The following SUZ12 variants were observed in gnomAD, a reference collection of about 807,000 sequenced individuals.
SUZ12 encodes the protein SUZ12 polycomb repressive complex 2 subunit.
Under a neutral mutation model 87.3 loss-of-function variants are expected in SUZ12, and 17 were observed. The observed-to-expected ratio is 0.19, with a 90% CI of 0.13 to 0.29. The LOEUF is 0.29. SUZ12 is among the 10% of genes least tolerant of loss of function. The probability of loss-of-function intolerance (pLI) is 1.00; values close to 1 mark genes in which losing one functional copy is unlikely to be tolerated. For synonymous variants in SUZ12, 253 were observed against 312.4 expected, an observed-to-expected ratio of 0.81 and a Z score of 2.01; for missense variants, 526 against 912.2, an observed-to-expected ratio of 0.58 and a Z score of 5.45.
At position 31,953,996 on chromosome 17, in the gene SUZ12, G is replaced by A. The variant is rs185901887; in HGVS notation, c.455+6311G>A. Among the ~76,000 whole-genome samples, 368 of 152,188 alleles carry A rather than the reference G, an allele frequency of 2.4e-3. 1 individual carries two copies. Among genetic ancestry groups the A allele is most frequent in the Admixed American group, 4.7e-3 (72 of 15,280 alleles). ...CAAAGTGCTGGGATTACAGGTGTGA[G>A]CCACCGAGCCCGGCTCATTTTTATT... On this transcript the variant is annotated intron_variant, in intron 4 of 15. Coordinates refer to ENST00000322652, the MANE Select transcript of SUZ12 (RefSeq NM_015355.4).
chr17:31,962,505 C>T (rs1309373240), intron 4 of SUZ12, among the ~76,000 whole-genome samples: 2 of 152,086 alleles, frequency 1.3e-5, no homozygotes, highest in East Asian at 1.9e-4. Context: ...GTGGGAGAAT[C>T]GTTTGAGCCT....
At chr17:31,979,022 C>T (rs1047255731) in intron 8 of SUZ12, among the ~76,000 whole-genome samples, 6 of 146,482 alleles carry the variant, frequency 4.1e-5, no homozygotes, top group Non-Finnish European at 7.4e-5. Context: ...AGGAGAATCG[C>T]TTGAACCCAG....
intron 3 of SUZ12, among the ~76,000 whole-genome samples, chr17:31,946,562 C>CAA (rs1372153411): frequency 1.3e-5 from 2 of 152,126 alleles, no homozygotes; most frequent in African/African-American, 4.8e-5. Flanking sequence ...AACAAACAAA[C>CAA]ACAAAACTCT....
At chr17:31,998,592 G>T in intron 15 of SUZ12, 66 bp from the exon 16 acceptor site, 3 of 1,128,596 alleles carry the variant, frequency 2.7e-6, no homozygotes, top group South Asian at 3.6e-5. Flanking sequence ...TATTATAATG[G>T]TTATCACTGT....
intron 5 of SUZ12, among the ~76,000 whole-genome samples, chr17:31,971,918 C>T (rs899249401): frequency 1.3e-5 from 2 of 152,128 alleles, no homozygotes; most frequent in East Asian, 1.9e-4. Context: ...AAGTTTGAGA[C>T]CAGCCTGGGC....
intron 3 of SUZ12, among the ~76,000 whole-genome samples, chr17:31,941,321 A>G (rs1007073472): frequency 1.3e-5 from 2 of 151,486 alleles, no homozygotes; most frequent in African/African-American, 2.4e-5. Flanking sequence ...TAATGGTGCA[A>G]TCTCGGCTCA....
chr17:31,953,581 G>C (rs764915449), intron 4 of SUZ12, among the ~76,000 whole-genome samples: 14 of 151,532 alleles, frequency 9.2e-5, no homozygotes, highest in African/African-American at 2.9e-4. Context: ...CTAATTTTTT[G>C]AATTTTTGTA....
intron 5 of SUZ12, among the ~76,000 whole-genome samples, chr17:31,972,331 G>A (rs1238425246): frequency 6.0e-5 from 9 of 149,246 alleles, no homozygotes; most frequent in African/African-American, 2.0e-4. Flanking sequence ...ATGTATGTAT[G>A]TGTATATATA....
chr17:31,939,682 A>G (rs1056137800), intron 1 of SUZ12, among the ~76,000 whole-genome samples: 3 of 151,874 alleles, frequency 2.0e-5, no homozygotes, highest in African/African-American at 7.3e-5. Context: ...CGCCGCCCCT[A>G]TGCCTGGCTG....
rs565488872 is a variant in SUZ12, at chr17:31,944,485, C to T, written c.387-3132C>T. Among the ~76,000 whole-genome samples the T allele has an allele frequency of 1.9e-4, 29 of 152,060 alleles. 1 individual carries two copies. The highest frequency in any genetic ancestry group is 4.1e-4 in the Non-Finnish European group (28 of 68,016). ...TTCCCGTCATGTTTATTAATTTGTC[C>T]CATTGCAGGATATGTTTCTGTTGTC... On this transcript the variant is annotated intron_variant, in intron 3 of 15. Coordinates refer to ENST00000322652, the MANE Select transcript of SUZ12 (RefSeq NM_015355.4).
chr17:31,954,464 A>G (rs1340975909), intron 4 of SUZ12, among the ~76,000 whole-genome samples: 2 of 152,068 alleles, frequency 1.3e-5, no homozygotes, highest in East Asian at 1.9e-4. Context: ...GCCTGCATCT[A>G]TATTCTTGGG....
intron 6 of SUZ12, among the ~76,000 whole-genome samples, chr17:31,975,264 G>A (rs1276920228): frequency 2.0e-5 from 3 of 152,054 alleles, no homozygotes; most frequent in African/African-American, 7.2e-5. Context: ...ATTTCATTAT[G>A]TTGGAGAAAA....
rs150075673 is a variant in SUZ12 at position 31,953,447 on chromosome 17, A to G, written c.455+5762A>G. Among the ~76,000 whole-genome samples the G allele has an allele frequency of 4.6e-3, 704 of 152,090 alleles. 3 individuals are homozygous for G. The highest frequency in any genetic ancestry group is 5.8e-3 in the Admixed American group (88 of 15,270). The stretch of plus-strand genomic sequence containing the variant: ...TTTTGAGACAAGGTCTCGCTTTGTC[A>G]CCGAGGCTGGAGTGTAGTGGCACAA... On this transcript the variant is annotated intron_variant, in intron 4 of 15. Transcript: ENST00000322652.
chr17:31,972,986 C>A (rs543055015), intron 5 of SUZ12, among the ~76,000 whole-genome samples, 160 bp from the exon 6 acceptor site: 1 of 151,792 alleles, frequency 6.6e-6, no homozygotes, highest in South Asian at 2.1e-4. Flanking sequence ...AAAGAGTTTG[C>A]TGTAAGTTTG....
chr17:31,938,515 G>C (rs1232443050), intron 1 of SUZ12, among the ~76,000 whole-genome samples: 20 of 152,138 alleles, frequency 1.3e-4, no homozygotes, highest in Admixed American at 1.1e-3. Flanking sequence ...TCTCTCATTA[G>C]TGCTTCATGA....
chr17:31,942,901 A>G, intron 3 of SUZ12, among the ~76,000 whole-genome samples: 1 of 152,194 alleles, frequency 6.6e-6, no homozygotes, highest in East Asian at 1.9e-4. Flanking sequence ...AGCATTTGGT[A>G]TTGTCATTAT....
At position 31,937,499 on chromosome 17, in the gene SUZ12, C is replaced by G. The variant is rs1283973916; in HGVS notation, c.253C>G (p.Leu85Val). 1.3e-6 allele frequency: 2 copies of G among 1,541,340 alleles called. No homozygotes were observed. The highest frequency in any genetic ancestry group is 1.7e-6 in the Non-Finnish European group (2 of 1,146,460). ...KMEHVQADHE[L>V]FLQAFEKPTQ... The stretch of plus-strand genomic sequence containing the variant: ...GGAGCACGTCCAGGCTGACCACGAG[C>G]TTTTCCTCCAGGCCTTTGAGAGTGA... Residue 85 changes from leucine to valine, a missense_variant, in exon 1 of 16, where the codon CTT becomes GTT. Coordinates refer to ENST00000322652, the MANE Select transcript of SUZ12 (RefSeq NM_015355.4).
chr17:31,954,341 G>A (rs761917677), intron 4 of SUZ12, among the ~76,000 whole-genome samples: 1 of 152,180 alleles, frequency 6.6e-6, no homozygotes, highest in African/African-American at 2.4e-5. Context: ...GATTGCAGGC[G>A]TGAGCCTCTG....
chr17:31,997,500 T>C (rs146428117), intron 15 of SUZ12, among the ~76,000 whole-genome samples: 1,783 of 152,022 alleles, frequency 0.012, 17 homozygotes, highest in South Asian at 0.023. Flanking sequence ...CTGTCTCCAC[T>C]AAACGTACAA....
Sources: allele counts gnomAD v4.1 joint callset (sites outside exome capture counted in the v4.1 genomes callset), GRCh38; gene constraint gnomAD v4.1.1; transcripts MANE v1.5; gene names NCBI Gene and HGNC (gene_info 2026-07-23, HGNC 2026-07-21).